The following R3HDM1 variants were observed in gnomAD, a reference collection of about 807,000 sequenced individuals.
R3HDM1 encodes the protein R3H domain-containing protein 1.
A neutral mutation model predicts 141.1 loss-of-function variants in R3HDM1; 46 were observed. That is an observed-to-expected ratio of 0.33 (90% confidence interval 0.26 to 0.42). The LOEUF is 0.42. Ranked by LOEUF, R3HDM1 falls within the 10% of genes least tolerant of loss-of-function variation. The pLI is 1.00. For synonymous variants in R3HDM1, 435 were observed against 472.9 expected (o/e 0.92, Z 1.04); for missense variants, 1,184 against 1,368.3 (o/e 0.87, Z 2.12).
intron 1 of R3HDM1, among the ~76,000 whole-genome samples, chr2:135,601,272 T>C (rs1190165010): frequency 6.6e-6 from 1 of 152,200 alleles, no homozygotes; most frequent in Non-Finnish European, 1.5e-5. Context: ...TTTTTTGATA[T>C]TTGTTTTTGA....
intron 21 of R3HDM1, among the ~76,000 whole-genome samples, chr2:135,687,530 C>G (rs1319061973): frequency 6.6e-6 from 1 of 151,406 alleles, no homozygotes; most frequent in African/African-American, 2.4e-5. Context: ...TGTTCCAGAT[C>G]ATTGTAATGA....
chr2:135,574,199 A>T (rs1483354832), intron 1 of R3HDM1, among the ~76,000 whole-genome samples: 2 of 152,202 alleles, frequency 1.3e-5, no homozygotes, highest in Non-Finnish European at 2.9e-5. Context: ...AATAATTTTT[A>T]AAAAATTTTA....
intron 1 of R3HDM1, among the ~76,000 whole-genome samples, chr2:135,539,728 A>G (rs1018466504): frequency 1.3e-5 from 2 of 152,248 alleles, no homozygotes; most frequent in Non-Finnish European, 2.9e-5. Context: ...TTATGTCTAA[A>G]AAATGCACAT....
In R3HDM1 at chr2:135,708,971, A is replaced by AAC. The variant is rs2075286364; in HGVS notation, c.2460-461_2460-460insCA. The stretch of plus-strand genomic sequence containing the variant: ...AGAACTCTGTCTCAAAAAAAAAAAA[A>AAC]AAAAAAACTAACTGTTCAAAAATAC... On this transcript the variant is annotated intron_variant, in intron 21 of 26. Coordinates refer to ENST00000683871, the MANE Select transcript of R3HDM1 (RefSeq NM_001378107.1). Among the ~76,000 whole-genome samples the AAC allele has an allele frequency of 2.6e-5, 4 of 151,998 alleles. No homozygotes were observed. The South Asian group carries it at 8.3e-4, about 32-fold the overall frequency.
intron 1 of R3HDM1, among the ~76,000 whole-genome samples, chr2:135,559,696 T>G (rs1326916374): frequency 6.6e-6 from 1 of 152,232 alleles, no homozygotes; most frequent in African/African-American, 2.4e-5. Flanking sequence ...TAATTCAGTA[T>G]TTTAGACACT....
At chr2:135,659,345 C>A (rs2066386671) in intron 18 of R3HDM1, among the ~76,000 whole-genome samples, 1 of 152,080 alleles carries the variant, frequency 6.6e-6, no homozygotes, top group African/African-American at 2.4e-5. Context: ...GATCCACCCA[C>A]CTGAGCCTCC....
chr2:135,594,534 TGAAC>T (rs1036082386), intron 1 of R3HDM1, among the ~76,000 whole-genome samples: 160 of 152,304 alleles, frequency 1.1e-3, no homozygotes, highest in African/African-American at 3.7e-3. Flanking sequence ...TTGGCCTTAA[TGAAC>T]CACCCCTTAG....
intron 21 of R3HDM1, among the ~76,000 whole-genome samples, chr2:135,708,358 C>T (rs561179920): frequency 5.9e-5 from 9 of 152,248 alleles, no homozygotes; most frequent in Non-Finnish European, 8.8e-5. Flanking sequence ...TTACCGATTG[C>T]GTCATCATAC....
chr2:135,577,254 A>G, intron 1 of R3HDM1: 1 of 968,406 alleles, frequency 1.0e-6, no homozygotes, highest in Non-Finnish European at 1.2e-6. Context: ...CCGACATGAA[A>G]AAAAGTCAAA....
At position 135,649,981 on chromosome 2, in the gene R3HDM1, C is replaced by T; in HGVS notation, c.1703C>T (p.Ser568Leu). Residue 568 changes from serine to leucine, a missense_variant, in exon 17 of 27, where the codon TCA (serine) becomes TTA (leucine). Physicochemically the swap from Ser to Leu is moderately radical, Grantham distance 145 (BLOSUM62 -2). Around this residue, in one of 5 missense-constraint regions of R3HDM1, gnomAD observed 563 missense variants for 562.0 expected, o/e 1.00. Coordinates refer to ENST00000683871, the MANE Select transcript of R3HDM1 (RefSeq NM_001378107.1). ...TACCCATCCCCGTTCCTGCCAGTCT[C>T]ACCCACCCAGCAATACTCTGTGGTA... ...APYPSPFLPV[S>L]PTQQYSVQDN... 1.5e-6 allele frequency: 2 copies of T among 1,294,900 alleles called. No homozygotes were observed. Among genetic ancestry groups the T allele is most frequent in the Middle Eastern group, 2.1e-4 (1 of 4,654 alleles). 80.2% of individuals were successfully genotyped at this position (1,294,900 alleles called of 1,614,324 possible). A position where few individuals can be genotyped will look rare whatever the true frequency, so the allele number is the denominator to read the frequency against.
rs772673828 is a variant in R3HDM1, at chr2:135,641,668, G to A, written c.1352G>A (p.Ser451Asn). 1 of 1,614,156 alleles carries A rather than the reference G, an allele frequency of 6.2e-7. No individual in the cohort carries two copies. The highest frequency in any genetic ancestry group is 1.1e-5 in the South Asian group (1 of 91,074). The change falls in exon 15 of 27, where the codon AGT becomes AAT. Residue 451 changes from serine to asparagine, a missense_variant. Around this residue, in one of 5 missense-constraint regions of R3HDM1, gnomAD observed 240 missense variants for 312.3 expected, o/e 0.77. Transcript: ENST00000683871. Reference sequence around the variant, plus strand: ...GTCTATCCAACTGTCAGCACTCATAGTTCTCTTTCCTTTGATGGTGGCCTA... The same window carrying A: ...GTCTATCCAACTGTCAGCACTCATAATTCTCTTTCCTTTGATGGTGGCCTA... ...PVVYPTVSTH[S>N]SLSFDGGLNG...
chr2:135,682,144 T>A (rs1446318252), intron 21 of R3HDM1, among the ~76,000 whole-genome samples: 1 of 150,280 alleles, frequency 6.7e-6, no homozygotes, highest in Admixed American at 6.7e-5. Context: ...AAATGAGGAG[T>A]GAGAAAATTG....
At chr2:135,663,134 CAAAAAAA>C (rs555551580) in intron 19 of R3HDM1, among the ~76,000 whole-genome samples, 4 of 90,880 alleles carry the variant, frequency 4.4e-5, no homozygotes, top group Non-Finnish European at 1.1e-4. Context: ...GCCTCTCTGC[CAAAAAAA>C]AAAAAAAAAA....
At chr2:135,550,993 T>A (rs1331591264) in intron 1 of R3HDM1, among the ~76,000 whole-genome samples, 8 of 152,218 alleles carry the variant, frequency 5.3e-5, no homozygotes, top group Non-Finnish European at 1.0e-4. Context: ...CCTTCTGTCT[T>A]GACTCAAGTC....
chr2:135,711,651 C>T (rs531660917), intron 23 of R3HDM1, among the ~76,000 whole-genome samples: 73 of 123,670 alleles, frequency 5.9e-4, no homozygotes, highest in Non-Finnish European at 1.0e-3. Flanking sequence ...AGAGGGAGAC[C>T]CCAACTCTTT....
chr2:135,548,455 C>G (rs2104919390), intron 1 of R3HDM1, among the ~76,000 whole-genome samples: 1 of 152,262 alleles, frequency 6.6e-6, no homozygotes, highest in East Asian at 1.9e-4. Context: ...ATGCACAAAT[C>G]ATAAATATGT....
intron 7 of R3HDM1, among the ~76,000 whole-genome samples, chr2:135,630,257 A>G (rs952603000): frequency 6.9e-6 from 1 of 145,870 alleles, no homozygotes; most frequent in Admixed American, 6.8e-5. Context: ...AGCCTGGGCA[A>G]CAAGAGCGAA....
chr2:135,630,056 TAAA>T (rs766956798), intron 7 of R3HDM1, among the ~76,000 whole-genome samples: 2 of 133,886 alleles, frequency 1.5e-5, no homozygotes, highest in African/African-American at 2.7e-5. Flanking sequence ...AAGGATGATT[TAAA>T]AAAAAAAAAA....
intron 21 of R3HDM1, among the ~76,000 whole-genome samples, chr2:135,693,525 C>G (rs373175209): frequency 6.6e-6 from 1 of 152,294 alleles, no homozygotes; most frequent in East Asian, 1.9e-4. Context: ...ATAAAAAACA[C>G]TGGCTGTGAC....
Sources: gnomAD v4.1 joint callset for allele counts (sites outside exome capture counted in the v4.1 genomes callset) on GRCh38, gnomAD v4.1.1 for gene constraint, gnomAD v4.1.1 regional missense constraint, MANE v1.5 for transcripts, NCBI Gene and HGNC (gene_info 2026-07-23, HGNC 2026-07-21) for gene names.